WWC2: variants seen among roughly 807,000 people sequenced by gnomAD.
The protein encoded by WWC2 is WW and C2 domain containing 2, also known as protein WWC2.
A neutral mutation model predicts 138.5 loss-of-function variants in WWC2; 101 were observed. The ratio of observed to expected loss-of-function variants is 0.73; its 90% confidence interval spans 0.62 to 0.86. The LOEUF (loss-of-function observed/expected upper bound fraction) is 0.86. Ranked by LOEUF, WWC2 falls within the 40% of genes least tolerant of loss-of-function variation. The pLI, the probability that WWC2 is intolerant of heterozygous loss-of-function variation, is 0.00. For missense variants in WWC2, 1,420 were observed against 1,419.4 expected (o/e 1.00, Z -0.01); for synonymous variants, 558 against 538.4 (o/e 1.04, Z -0.50).
intron 5 of WWC2, among the ~76,000 whole-genome samples, chr4:183,243,644 G>T (rs1014497560): frequency 6.6e-6 from 1 of 151,980 alleles, no homozygotes; most frequent in African/African-American, 2.4e-5. Flanking sequence ...TGTGCAATTT[G>T]GGGTATAAAT....
At chr4:183,210,535 A>C (rs1044832886) in intron 4 of WWC2, among the ~76,000 whole-genome samples, 1 of 152,226 alleles carries the variant, frequency 6.6e-6, no homozygotes, top group Admixed American at 6.5e-5. Flanking sequence ...GTATGCCATA[A>C]CATCATGTTG....
At chr4:183,230,240 T>C (rs547283208) in intron 4 of WWC2, among the ~76,000 whole-genome samples, 1 of 152,152 alleles carries the variant, frequency 6.6e-6, no homozygotes, top group Admixed American at 6.5e-5. Flanking sequence ...TGTAGTTTAG[T>C]TAATAGTATA....
intron 1 of WWC2, among the ~76,000 whole-genome samples, chr4:183,160,518 C>A (rs188559278): frequency 6.6e-6 from 1 of 152,210 alleles, no homozygotes; most frequent in Non-Finnish European, 1.5e-5. Context: ...AATCAAGTCA[C>A]TATGTTTTAG....
rs1739458250 is a variant in WWC2 at position 183,316,907 on chromosome 4, A to C, written c.*1178A>C. On this transcript the variant is annotated 3_prime_UTR_variant, in exon 23 of 23. Coordinates refer to ENST00000403733, the MANE Select transcript of WWC2 (RefSeq NM_024949.6). ...TTATTAAAAAGCCTATTTTGGATGA[A>C]CAAGTTTAGAGAGATAAACTGACTA... 6.6e-6 allele frequency: 1 copy of C among 152,208 alleles called. No homozygotes were observed. The highest frequency in any genetic ancestry group is 2.4e-5 in the African/African-American group (1 of 41,452). The allele number at this position is 152,208 out of a possible 1,614,324, so 9.4% of individuals were successfully genotyped here. A position where few individuals can be genotyped will look rare whatever the true frequency, so the allele number is the denominator to read the frequency against.
intron 19 of WWC2, 89 bp from the exon 20 acceptor site, chr4:183,285,878 G>T (rs1217887454): frequency 1.7e-6 from 2 of 1,210,628 alleles, no homozygotes; most frequent in Non-Finnish European, 2.4e-6. Context: ...ATGACTACCT[G>T]CTTTACTTGG....
intron 4 of WWC2, among the ~76,000 whole-genome samples, chr4:183,227,585 A>C (rs1308788667): frequency 6.6e-6 from 1 of 152,134 alleles, no homozygotes; most frequent in Admixed American, 6.5e-5. Context: ...GGAAGATACC[A>C]TGAAAATTAT....
At chr4:183,304,104 TA>T (rs1244539751) in intron 21 of WWC2, among the ~76,000 whole-genome samples, 1 of 152,014 alleles carries the variant, frequency 6.6e-6, no homozygotes, top group Non-Finnish European at 1.5e-5. Context: ...TAACAGCAAG[TA>T]AAAAAATTGA....
At chr4:183,145,826 A>G (rs1411640815) in intron 1 of WWC2, among the ~76,000 whole-genome samples, 1 of 152,218 alleles carries the variant, frequency 6.6e-6, no homozygotes, top group African/African-American at 2.4e-5. Context: ...TTTATGTATC[A>G]TGAAATCTTC....
chr4:183,274,093 A>C (rs1410517856), intron 16 of WWC2, among the ~76,000 whole-genome samples: 1 of 152,200 alleles, frequency 6.6e-6, no homozygotes, highest in Non-Finnish European at 1.5e-5. Flanking sequence ...GTCTGTACTT[A>C]AGCTAGTACT....
Position 183,315,718 on chromosome 4 carries a change from G to A in WWC2, c.3568G>A (p.Asp1190Asn). 2 of 1,612,316 alleles carry A rather than the reference G, an allele frequency of 1.2e-6. No individual in the cohort carries two copies. Among genetic ancestry groups the A allele is most frequent in the Non-Finnish European group, 1.7e-6 (2 of 1,178,646 alleles). Residue 1190 changes from aspartate (D) to asparagine (N), a missense_variant, in exon 23 of 23, where the codon GAT becomes AAT. Coordinates refer to ENST00000403733, the MANE Select transcript of WWC2 (RefSeq NM_024949.6). ...AKISIPSLPA[D>N]DV is the part of the protein sequence containing the mutation. ...GATAAGCATCCCATCCCTGCCAGCT[G>A]ATGATGTGTGATTACATGACTTAAG...
rs891215754 is a variant in WWC2 at position 183,193,514 on chromosome 4, A to G, written c.132-85A>G. 3.4e-6 allele frequency: 4 copies of G among 1,165,564 alleles called. No individual in the cohort carries two copies. The South Asian group carries it at 3.9e-5, about 12-fold the overall frequency. The allele number at this position is 1,165,564 out of a possible 1,614,324, so 72.2% of individuals were successfully genotyped here. Reference sequence around the variant, plus strand: ...TTCTTTAAGATTTTAAATGCAACCTAGACACTTGTGGTTAGGGTGCTGAAT... The same window carrying G: ...TTCTTTAAGATTTTAAATGCAACCTGGACACTTGTGGTTAGGGTGCTGAAT... On this transcript the variant is annotated intron_variant, in intron 1 of 22. Transcript: ENST00000403733.
At chr4:183,158,831 T>C (rs1733877078) in intron 1 of WWC2, among the ~76,000 whole-genome samples, 1 of 151,886 alleles carries the variant, frequency 6.6e-6, no homozygotes, top group Non-Finnish European at 1.5e-5. Flanking sequence ...CTTGTGGGAG[T>C]GGGCATAGGA....
At chr4:183,248,621 G>T in intron 6 of WWC2, 93 bp from the exon 7 acceptor site, 4 of 1,295,512 alleles carry the variant, frequency 3.1e-6, no homozygotes, top group South Asian at 1.9e-5. Flanking sequence ...TTTTTCCATT[G>T]AGATTAGCTC....
intron 4 of WWC2, among the ~76,000 whole-genome samples, chr4:183,216,365 A>G (rs926566435): frequency 1.3e-5 from 2 of 152,188 alleles, no homozygotes; most frequent in African/African-American, 4.8e-5. Flanking sequence ...CTGGATGACA[A>G]TTTTAGATGT....
rs778184265 is a variant in WWC2, at chr4:183,280,893, G to T, written c.2680G>T (p.Asp894Tyr). ...AGAAGAGCCAAGGGGCCCAGATGGA[G>T]ACTGGTTAAACACTTATTTCCTTTG... is the stretch of plus-strand genomic sequence containing the variant. The part of the protein sequence containing the change: ...GQEEPRGPDG[D>Y]WLTMLREASD... The change falls in exon 17 of 23, where the codon GAC (aspartate) becomes TAC (tyrosine). Residue 894 changes from aspartate to tyrosine, a missense_variant. By Grantham distance (160) the Asp-to-Tyr change is radical. Transcript: ENST00000403733. 1 of 1,560,872 alleles carries T rather than the reference G, an allele frequency of 6.4e-7. No homozygotes were observed. The highest frequency in any genetic ancestry group is 1.9e-5 in the Admixed American group (1 of 51,562).
Position 183,282,950 on chromosome 4 carries a change from C to A in WWC2, c.2883+44C>A, listed in dbSNP as rs187653067. ...TGTCTTAAAACTGATACCTTACAGG[C>A]ACCATGTGGACTAGGGAGATGCTTG... On this transcript the variant is annotated intron_variant, in intron 18 of 22. Coordinates refer to ENST00000403733, the MANE Select transcript of WWC2 (RefSeq NM_024949.6). The A allele has an allele frequency of 7.7e-4, 1,157 of 1,502,658 alleles. 8 individuals carry two copies. The African/African-American group carries it at 0.014, about 19-fold the overall frequency. The allele number at this position is 1,502,658 out of a possible 1,614,324, so 93.1% of individuals were successfully genotyped here.
chr4:183,311,765 G>A (rs995038094), intron 21 of WWC2, among the ~76,000 whole-genome samples: 1 of 151,932 alleles, frequency 6.6e-6, no homozygotes, highest in Non-Finnish European at 1.5e-5. Context: ...TTTTAGTAGA[G>A]ACGGGGTTTC....
intron 5 of WWC2, among the ~76,000 whole-genome samples, chr4:183,244,057 A>G (rs1736695451): frequency 6.6e-6 from 1 of 152,110 alleles, no homozygotes; most frequent in Non-Finnish European, 1.5e-5. Context: ...TTAATTATTA[A>G]ATGTTTTAAA....
rs181647019 is a variant in WWC2, at chr4:183,310,150, G to A, written c.3385-2191G>A. 3.3e-5 allele frequency among the ~76,000 whole-genome samples: 5 copies of A among 152,264 alleles called. No homozygotes were observed. The East Asian group carries it at 9.6e-4, about 29-fold the overall frequency. On this transcript the variant is annotated intron_variant, in intron 21 of 22. Transcript: ENST00000403733. ...GGTGGGTACATGTCATTATACTTTT[G>A]CCAAAACCCATTGAATGTACACCAA... is the stretch of plus-strand genomic sequence containing the variant.
Sources: allele counts gnomAD v4.1 joint callset (sites outside exome capture counted in the v4.1 genomes callset), GRCh38; gene constraint gnomAD v4.1.1; transcripts MANE v1.5; gene names NCBI Gene and HGNC (gene_info 2026-07-23, HGNC 2026-07-21).